The following RREB1 variants were observed in gnomAD, a reference collection of about 807,000 sequenced individuals.
RREB1 encodes the protein ras responsive element binding protein 1, also known as ras-responsive element-binding protein 1.
A neutral mutation model predicts 117.8 loss-of-function variants in RREB1; 27 were observed. The observed-to-expected ratio is 0.23, with a 90% CI of 0.17 to 0.32. The LOEUF (loss-of-function observed/expected upper bound fraction) is 0.32, where lower values mean the gene tolerates loss of function less well. Ranked by LOEUF, RREB1 falls within the 10% of genes least tolerant of loss-of-function variation. The pLI, the probability that RREB1 is intolerant of heterozygous loss-of-function variation, is 1.00. For missense variants in RREB1, 2,577 were observed against 2,378.2 expected (o/e 1.08, Z -1.74); for synonymous variants, 1,298 against 1,026.7 (o/e 1.26, Z -5.05).
chr6:7,200,765 A>G (rs558880654), intron 6 of RREB1, among the ~76,000 whole-genome samples: 1 of 152,264 alleles, frequency 6.6e-6, no homozygotes, highest in South Asian at 2.1e-4. Flanking sequence ...TTTTCGTCCT[A>G]TCACTGGTTC....
Position 7,230,568 on chromosome 6 carries a change from C to T in RREB1, c.2469C>T (p.Ser823=), listed in dbSNP as rs758027423. ...ACGTGCCCGAGCAGGACATCGAGAG[C>T]TACGTGCTGGCCGCCGACGGCCTGG... is the stretch of plus-strand genomic sequence containing the variant. ...HLHVPEQDIE[S]YVLAADGLGP... is the part of the protein sequence containing the mutation. Residue 823 remains serine, a synonymous_variant, in exon 10 of 13, where the codon AGC becomes AGT. Coordinates refer to ENST00000379938, the MANE Select transcript of RREB1 (RefSeq NM_001003699.4). The T allele has an allele frequency of 5.6e-6, 9 of 1,601,938 alleles. No homozygotes were observed. The highest frequency in any genetic ancestry group is 3.3e-5 in the South Asian group (3 of 90,484).
chr6:7,245,147 G>A (rs529656735), intron 11 of RREB1, among the ~76,000 whole-genome samples: 11 of 152,354 alleles, frequency 7.2e-5, no homozygotes, highest in African/African-American at 2.6e-4. Context: ...TGTAATCCCA[G>A]CACTTTGGGA....
intron 1 of RREB1, among the ~76,000 whole-genome samples, chr6:7,110,496 G>GTGTGTGTGTA (rs1249756690): frequency 3.3e-5 from 5 of 152,116 alleles, no homozygotes; most frequent in African/African-American, 1.2e-4. Flanking sequence ...GTGTGTGTGT[G>GTGTGTGTGTA]TATGTGTTTA....
chr6:7,236,483 GCTTT>G (rs1768326761), intron 10 of RREB1, among the ~76,000 whole-genome samples: 1 of 152,158 alleles, frequency 6.6e-6, no homozygotes, highest in African/African-American at 2.4e-5. Context: ...GCTCCTTTTA[GCTTT>G]CTTAAAAGAC....
At chr6:7,228,207 C>G (rs368549702) in intron 9 of RREB1, among the ~76,000 whole-genome samples, 2 of 152,040 alleles carry the variant, frequency 1.3e-5, no homozygotes, top group East Asian at 3.9e-4. Flanking sequence ...TGTGTGCACC[C>G]CCCAGGAGAC....
intron 8 of RREB1, among the ~76,000 whole-genome samples, chr6:7,221,206 G>A: frequency 6.6e-6 from 1 of 151,608 alleles, no homozygotes; most frequent in East Asian, 1.9e-4. Flanking sequence ...CTGTCGCCCA[G>A]GCCGGACTGC....
intron 5 of RREB1, among the ~76,000 whole-genome samples, chr6:7,188,098 G>A (rs1365790640): frequency 6.6e-6 from 1 of 152,204 alleles, no homozygotes; most frequent in Non-Finnish European, 1.5e-5. Flanking sequence ...GAACCCGGGA[G>A]CAGAGGTTGC....
chr6:7,153,306 T>C (rs1186938501), intron 1 of RREB1, among the ~76,000 whole-genome samples: 1 of 151,942 alleles, frequency 6.6e-6, no homozygotes, highest in Non-Finnish European at 1.5e-5. Context: ...TTCTCCTGTT[T>C]TGGCAAAACA....
At chr6:7,116,869 A>G (rs1008767300) in intron 1 of RREB1, among the ~76,000 whole-genome samples, 2 of 152,178 alleles carry the variant, frequency 1.3e-5, no homozygotes, top group Non-Finnish European at 2.9e-5. Context: ...ACCATTTTTC[A>G]TGGCTCTTGA....
In RREB1 at chr6:7,230,066, G is replaced by C; in HGVS notation, c.1967G>C (p.Gly656Ala). The C allele has an allele frequency of 6.2e-7, 1 of 1,604,668 alleles. No homozygotes were observed. Among genetic ancestry groups the C allele is most frequent in the South Asian group, 1.1e-5 (1 of 90,690 alleles). The change falls in exon 10 of 13, where the codon GGG becomes GCG. Residue 656 changes from glycine to alanine, a missense_variant. By Grantham distance (60) the Gly-to-Ala change is moderately conservative (BLOSUM62 0). Coordinates refer to ENST00000379938, the MANE Select transcript of RREB1 (RefSeq NM_001003699.4). ...TGCAACCAGGTGTTTGCCTTCTCGGGGGTCTTGCGTGCCCACGTGCGCTCC... is the reference window on the plus strand; with the variant it reads ...TGCAACCAGGTGTTTGCCTTCTCGGCGGTCTTGCGTGCCCACGTGCGCTCC... ...RFCNQVFAFS[G>A]VLRAHVRSHL...
At chr6:7,141,001 T>A (rs868244388) in intron 1 of RREB1, among the ~76,000 whole-genome samples, 11 of 152,126 alleles carry the variant, frequency 7.2e-5, no homozygotes, top group Middle Eastern at 6.8e-3. Flanking sequence ...ACGGTCTGAG[T>A]AGAGTTGTGT....
At chr6:7,116,523 A>G (rs541735946) in intron 1 of RREB1, among the ~76,000 whole-genome samples, 1 of 152,312 alleles carries the variant, frequency 6.6e-6, no homozygotes, top group South Asian at 2.1e-4. Context: ...ACGATTGCAT[A>G]GTTGGTGCTC....
chr6:7,139,887 T>A (rs908807518), intron 1 of RREB1, among the ~76,000 whole-genome samples: 2 of 152,240 alleles, frequency 1.3e-5, no homozygotes, highest in African/African-American at 4.8e-5. Flanking sequence ...CTTTTTATTG[T>A]ACATAGATGC....
At chr6:7,215,594 C>T (rs1766852202) in intron 8 of RREB1, 1 of 152,236 alleles carries the variant, frequency 6.6e-6, no homozygotes, top group Non-Finnish European at 1.5e-5. Flanking sequence ...CCCACCTTAG[C>T]CTCCCAAAGT....
chr6:7,112,918 G>C (rs975483498), intron 1 of RREB1, among the ~76,000 whole-genome samples: 1 of 152,214 alleles, frequency 6.6e-6, no homozygotes, highest in Non-Finnish European at 1.5e-5. Flanking sequence ...TGGCGGGTTG[G>C]GGTGAAGCGG....
intron 1 of RREB1, among the ~76,000 whole-genome samples, chr6:7,110,394 A>G (rs374918144): frequency 6.6e-4 from 101 of 152,306 alleles, no homozygotes; most frequent in African/African-American, 2.3e-3. Flanking sequence ...TGCTATCTTC[A>G]AGAGTCCACA....
intron 6 of RREB1, among the ~76,000 whole-genome samples, chr6:7,203,729 C>T (rs1000116092): frequency 6.6e-6 from 1 of 152,202 alleles, no homozygotes; most frequent in African/African-American, 2.4e-5. Flanking sequence ...CTTGGAATAC[C>T]ATGCTACAGT....
At chr6:7,147,070 AC>A (rs549383015) in intron 1 of RREB1, among the ~76,000 whole-genome samples, 115 of 152,268 alleles carry the variant, frequency 7.6e-4, no homozygotes, top group Non-Finnish European at 1.3e-3. Flanking sequence ...TGTAAAATGG[AC>A]TGTGGGTGGC....
rs749862978 is a variant in RREB1, at chr6:7,240,484, C to A, written c.3855C>A (p.Thr1285=). 1 of 1,613,618 alleles carries A rather than the reference C, an allele frequency of 6.2e-7. No individual in the cohort carries two copies. Among genetic ancestry groups the A allele is most frequent in the South Asian group, 1.1e-5 (1 of 91,036 alleles). ...PCQKCDAFFS[T]KSNCERHQLR... ...AAAAATGCGATGCCTTCTTTTCTAC[C>A]AAATCTAACTGTGAACGCCACCAGT... The change falls in exon 11 of 13, where the codon ACC becomes ACA. Residue 1285 remains threonine (T), a synonymous_variant. Coordinates refer to ENST00000379938, the MANE Select transcript of RREB1 (RefSeq NM_001003699.4).
Sources: allele counts gnomAD v4.1 joint callset (sites outside exome capture counted in the v4.1 genomes callset), GRCh38; gene constraint gnomAD v4.1.1; transcripts MANE v1.5; gene names NCBI Gene and HGNC (gene_info 2026-07-23, HGNC 2026-07-21).